The following CNOT4 variants were observed in gnomAD, a reference collection of about 807,000 sequenced individuals.
CNOT4 encodes the protein CCR4-NOT transcription complex subunit 4, also known as CCR4-associated factor 4.
A neutral mutation model predicts 73.8 loss-of-function variants in CNOT4; 8 were observed. The observed-to-expected ratio is 0.11, with a 90% CI of 0.06 to 0.20. The LOEUF (loss-of-function observed/expected upper bound fraction) is 0.20, where lower values mean the gene tolerates loss of function less well. Among genes scored for constraint, CNOT4 ranks in the 10% least tolerant of loss-of-function variants. The pLI is 1.00. For missense variants in CNOT4, 564 were observed against 883.4 expected (o/e 0.64, Z 4.58); for synonymous variants, 293 against 321.1 (o/e 0.91, Z 0.94).
intron 10 of CNOT4, among the ~76,000 whole-genome samples, chr7:135,369,344 A>AT (rs1381799101): frequency 6.6e-6 from 1 of 152,124 alleles, no homozygotes; most frequent in Non-Finnish European, 1.5e-5. Flanking sequence ...CCTCTACTTT[A>AT]TTTTTGGTAC....
At chr7:135,420,577 CA>C (rs71174521) in intron 3 of CNOT4, among the ~76,000 whole-genome samples, 919 of 53,366 alleles carry the variant, frequency 0.017, 8 homozygotes, top group East Asian at 0.11. Flanking sequence ...ACCATGTCTC[CA>C]AAAAAAAAAA....
chr7:135,459,846 G>T (rs1800766308), intron 1 of CNOT4, among the ~76,000 whole-genome samples: 1 of 152,180 alleles, frequency 6.6e-6, no homozygotes, highest in Admixed American at 6.5e-5. Context: ...GTCCTAGAAG[G>T]CTGTTTCACC....
intron 10 of CNOT4, among the ~76,000 whole-genome samples, chr7:135,369,953 A>G (rs991161490): frequency 2.6e-5 from 4 of 152,272 alleles, no homozygotes; most frequent in Admixed American, 1.3e-4. Context: ...CCTTCATAAT[A>G]TAAGTGTACT....
intron 1 of CNOT4, among the ~76,000 whole-genome samples, chr7:135,470,528 T>C (rs929688639): frequency 4.6e-5 from 7 of 151,142 alleles, no homozygotes; most frequent in African/African-American, 1.7e-4. Context: ...GCTGAGATTG[T>C]GCCACTGCAC....
intron 10 of CNOT4, chr7:135,388,506 C>T: frequency 2.9e-6 from 3 of 1,019,220 alleles, no homozygotes; most frequent in East Asian, 8.4e-5. Context: ...ACAATTCTAG[C>T]TAATCTCACC....
Position 135,438,245 on chromosome 7 carries a change from G to A in CNOT4, c.87C>T (p.Phe29=). 1.9e-6 allele frequency: 3 copies of A among 1,613,394 alleles called. No individual in the cohort carries two copies. Among genetic ancestry groups the A allele is most frequent in the Non-Finnish European group, 2.5e-6 (3 of 1,179,362 alleles). ...AAATCTGGTAGCCACAGGTGCAAGGGAAAAAGTTGATATCATCTATCTCCA... is the reference window on the plus strand; with the variant it reads ...AAATCTGGTAGCCACAGGTGCAAGGAAAAAAGTTGATATCATCTATCTCCA... ...EPLEIDDINF[F]PCTCGYQICR... Residue 29 remains phenylalanine (F), a synonymous_variant, in exon 2 of 12, where the codon TTC becomes TTT. Coordinates refer to ENST00000541284, the MANE Select transcript of CNOT4 (RefSeq NM_001190850.2).
At chr7:135,469,120 G>A (rs2129486629) in intron 1 of CNOT4, among the ~76,000 whole-genome samples, 1 of 152,150 alleles carries the variant, frequency 6.6e-6, no homozygotes, top group East Asian at 1.9e-4. Context: ...AGAGCAGGAG[G>A]TTTCAAGTAT....
chr7:135,485,814 T>C (rs1802683954), intron 1 of CNOT4, among the ~76,000 whole-genome samples: 1 of 152,176 alleles, frequency 6.6e-6, no homozygotes, highest in Non-Finnish European at 1.5e-5. Context: ...ATGTAAAACG[T>C]AAAAGTATAA....
intron 1 of CNOT4, among the ~76,000 whole-genome samples, chr7:135,484,754 C>CAAAAAAA (rs775810753): frequency 3.8e-5 from 3 of 77,924 alleles, no homozygotes; most frequent in Non-Finnish European, 2.7e-5. Context: ...GACTCTGTCT[C>CAAAAAAA]AAAAAAAAAA....
chr7:135,387,346 A>T (rs538929002), intron 10 of CNOT4: 1 of 985,086 alleles, frequency 1.0e-6, no homozygotes, highest in African/African-American at 1.7e-5. Flanking sequence ...CTAAGAATAG[A>T]TTTTTGTTTA....
At position 135,362,859 on chromosome 7, in the gene CNOT4, A is replaced by G; in HGVS notation, c.*26T>C. The G allele has an allele frequency of 1.3e-6, 2 of 1,597,882 alleles. No homozygotes were observed. Among genetic ancestry groups the G allele is most frequent in the Non-Finnish European group, 1.7e-6 (2 of 1,166,974 alleles). On this transcript the variant is annotated 3_prime_UTR_variant, in exon 12 of 12. Coordinates refer to ENST00000541284, the MANE Select transcript of CNOT4 (RefSeq NM_001190850.2). ...GAAAACAGAGTGGGACAAATCCTGC[A>G]TTTTCTAATGGTTGCTCCTCTTTGC...
intron 1 of CNOT4, among the ~76,000 whole-genome samples, chr7:135,507,564 G>A (rs1350655316): frequency 6.6e-6 from 1 of 152,004 alleles, no homozygotes; most frequent in Non-Finnish European, 1.5e-5. Flanking sequence ...AAATTATGGA[G>A]GGGAAAGAAT....
At chr7:135,444,942 C>G in intron 1 of CNOT4, 1 of 1,574,672 alleles carries the variant, frequency 6.4e-7, no homozygotes, top group Non-Finnish European at 8.7e-7. Context: ...ACCTTTTTGA[C>G]TTCATACTTT....
intron 1 of CNOT4, among the ~76,000 whole-genome samples, chr7:135,467,877 T>C (rs1801318832): frequency 6.6e-6 from 1 of 152,166 alleles, no homozygotes; most frequent in Non-Finnish European, 1.5e-5. Flanking sequence ...TCTTCATTTC[T>C]TTCACAAATT....
intron 1 of CNOT4, among the ~76,000 whole-genome samples, chr7:135,473,522 G>A (rs764228185): frequency 1.4e-4 from 22 of 152,180 alleles, no homozygotes; most frequent in Non-Finnish European, 7.3e-5. Flanking sequence ...CGAGGCAGGT[G>A]GATCCCTTGA....
At chr7:135,424,046 C>A (rs1274354974) in intron 2 of CNOT4, among the ~76,000 whole-genome samples, 8 of 17,428 alleles carry the variant, frequency 4.6e-4, no homozygotes. Context: ...ACAAAACACA[C>A]ACACACACAC....
chr7:135,462,564 A>G (rs1316699364), intron 1 of CNOT4, among the ~76,000 whole-genome samples: 1 of 152,226 alleles, frequency 6.6e-6, no homozygotes, highest in African/African-American at 2.4e-5. Context: ...TTCCTTCCTA[A>G]TACTTCCTTA....
At chr7:135,403,127 C>T (rs113452475) in intron 7 of CNOT4, among the ~76,000 whole-genome samples, 5,335 of 152,190 alleles carry the variant, frequency 0.035, 321 homozygotes, top group African/African-American at 0.12. Context: ...ATAAAATTTA[C>T]ATAAGGATAA....
At chr7:135,472,180 C>T (rs935019845) in intron 1 of CNOT4, among the ~76,000 whole-genome samples, 1 of 150,334 alleles carries the variant, frequency 6.7e-6, no homozygotes, top group Admixed American at 6.7e-5. Context: ...CTCAAAAATA[C>T]ATATATAAAT....
Sources: allele counts gnomAD v4.1 joint callset (sites outside exome capture counted in the v4.1 genomes callset), GRCh38; gene constraint gnomAD v4.1.1; transcripts MANE v1.5; gene names NCBI Gene and HGNC (gene_info 2026-07-23, HGNC 2026-07-21).